The following ATG5 variants were observed in gnomAD, a reference collection of about 807,000 sequenced individuals.
ATG5 encodes the protein autophagy related 5.
ATG5 carries 14 observed loss-of-function variants against 36.5 expected under a neutral mutation model. That is an observed-to-expected ratio of 0.38 (90% CI 0.25 to 0.60). The LOEUF is 0.60. Ranked by LOEUF, ATG5 falls within the 20% of genes least tolerant of loss-of-function variation. The pLI is 0.60. For missense variants in ATG5, 195 were observed against 326.7 expected, an observed-to-expected ratio of 0.60 and a Z score of 3.11; for synonymous variants, 95 against 101.5, an observed-to-expected ratio of 0.94 and a Z score of 0.38.
At chr6:106,237,922 A>C (rs1161468640) in intron 6 of ATG5, among the ~76,000 whole-genome samples, 1 of 152,200 alleles carries the variant, frequency 6.6e-6, no homozygotes, top group African/African-American at 2.4e-5. Context: ...ACTAAAGAAG[A>C]CTTCTTCTTG....
At chr6:106,299,877 G>A (rs1043393347) in intron 3 of ATG5, among the ~76,000 whole-genome samples, 2 of 152,192 alleles carry the variant, frequency 1.3e-5, no homozygotes, top group South Asian at 2.1e-4. Context: ...CCTCCTATTC[G>A]GAAAGTTGCT....
intron 6 of ATG5, among the ~76,000 whole-genome samples, chr6:106,227,387 G>T (rs929131664): frequency 6.6e-6 from 1 of 152,166 alleles, no homozygotes; most frequent in Non-Finnish European, 1.5e-5. Context: ...CTTGAGGCAA[G>T]GAGTTGAAGA....
intron 4 of ATG5, among the ~76,000 whole-genome samples, chr6:106,291,524 G>A (rs1304241371): frequency 2.6e-5 from 4 of 152,158 alleles, no homozygotes; most frequent in East Asian, 3.8e-4. Context: ...TCAGGAACCC[G>A]ACACACAGAA....
chr6:106,272,362 G>A (rs1010130702), intron 5 of ATG5, among the ~76,000 whole-genome samples: 1 of 152,168 alleles, frequency 6.6e-6, no homozygotes, highest in African/African-American at 2.4e-5. Context: ...GTTCAATATT[G>A]TTAAAATGGC....
At chr6:106,261,572 C>T (rs755287963) in intron 5 of ATG5, among the ~76,000 whole-genome samples, 2 of 152,122 alleles carry the variant, frequency 1.3e-5, no homozygotes, top group Non-Finnish European at 2.9e-5. Flanking sequence ...ACGTGAAGTA[C>T]CCAGAACAGA....
intron 5 of ATG5, among the ~76,000 whole-genome samples, chr6:106,262,722 G>A (rs1301384830): frequency 6.6e-6 from 1 of 152,178 alleles, no homozygotes; most frequent in Non-Finnish European, 1.5e-5. Context: ...CAGAAGCAGG[G>A]TGGGGCATTC....
At chr6:106,220,370 A>G (rs546344309) in intron 6 of ATG5, among the ~76,000 whole-genome samples, 11 of 152,274 alleles carry the variant, frequency 7.2e-5, no homozygotes, top group African/African-American at 2.6e-4. Context: ...ATAATATAAA[A>G]TCCCAAAAAA....
rs145722476 is a variant in ATG5 at position 106,254,451 on chromosome 6, T to C, written c.479-6207A>G. Among the ~76,000 whole-genome samples, 6 of 152,238 alleles carry C rather than the reference T, an allele frequency of 3.9e-5. No homozygotes were observed. In the East Asian group the frequency reaches 1.2e-3, roughly 29 times the overall value. ...AGTTAATGTACTATGAGTATGCACATAGTACATACTCAACGAATGTTTGTT... is the reference window on the plus strand; with the variant it reads ...AGTTAATGTACTATGAGTATGCACACAGTACATACTCAACGAATGTTTGTT... On this transcript the variant is annotated intron_variant, in intron 5 of 7. Coordinates refer to ENST00000369076, the MANE Select transcript of ATG5 (RefSeq NM_004849.4).
chr6:106,229,566 A>C (rs1258380210), intron 6 of ATG5, among the ~76,000 whole-genome samples: 1 of 150,544 alleles, frequency 6.6e-6, no homozygotes, highest in Non-Finnish European at 1.5e-5. Context: ...TAGTAAAAAA[A>C]AACAGTGTGC....
At chr6:106,293,946 G>A (rs564040112) in intron 3 of ATG5, among the ~76,000 whole-genome samples, 63 of 119,380 alleles carry the variant, frequency 5.3e-4, no homozygotes, top group African/African-American at 2.1e-3. Context: ...CTTGGGATTA[G>A]AGAAGTGTTT....
intron 7 of ATG5, among the ~76,000 whole-genome samples, chr6:106,199,262 A>G (rs1048095176): frequency 7.2e-5 from 11 of 152,228 alleles, no homozygotes; most frequent in African/African-American, 2.4e-4. Context: ...AGAAAGACCC[A>G]TATTTGAATG....
At position 106,321,361 on chromosome 6, in the gene ATG5, T is replaced by TC. The variant is rs199501225; in HGVS notation, c.-59+4164dup. Among the ~76,000 whole-genome samples, 548 of 149,030 alleles carry TC rather than the reference T, an allele frequency of 3.7e-3. 8 individuals are homozygous for TC. Among genetic ancestry groups the TC allele is most frequent in the East Asian group, 0.012 (59 of 5,060 alleles). On this transcript the variant is annotated intron_variant, in intron 1 of 7. Transcript: ENST00000369076. ...ACTCTTTTATCCTCTCTGGGTCAAC[T>TC]CTTTTTTTTTTTTTTGAGACGGAGT...
At chr6:106,223,320 A>C (rs1383790974) in intron 6 of ATG5, among the ~76,000 whole-genome samples, 2 of 152,204 alleles carry the variant, frequency 1.3e-5, no homozygotes, top group East Asian at 1.9e-4. Flanking sequence ...AGAAAATAGA[A>C]ATGTAATTTT....
chr6:106,312,983 A>G (rs2763212), intron 2 of ATG5, among the ~76,000 whole-genome samples: 17,832 of 152,224 alleles, frequency 0.12, 1,150 homozygotes, highest in African/African-American at 0.17. Context: ...GGTCAACAGA[A>G]GGTTGTTGTT....
At chr6:106,294,117 T>A (rs1457578534) in intron 3 of ATG5, among the ~76,000 whole-genome samples, 3 of 152,148 alleles carry the variant, frequency 2.0e-5, no homozygotes, top group African/African-American at 7.2e-5. Flanking sequence ...AGTCTTAGAT[T>A]CTGGATTTCA....
intron 1 of ATG5, among the ~76,000 whole-genome samples, chr6:106,324,486 T>C (rs1771217838): frequency 6.6e-6 from 1 of 152,190 alleles, no homozygotes; most frequent in Non-Finnish European, 1.5e-5. Flanking sequence ...ATCAATGTCT[T>C]CTCACCCCAT....
At chr6:106,224,344 G>A (rs953078927) in intron 6 of ATG5, among the ~76,000 whole-genome samples, 2 of 152,180 alleles carry the variant, frequency 1.3e-5, no homozygotes, top group Admixed American at 6.5e-5. Context: ...GGACCCATGA[G>A]CTAAATCAGT....
chr6:106,206,926 T>C (rs537585289), intron 6 of ATG5, among the ~76,000 whole-genome samples: 35 of 152,334 alleles, frequency 2.3e-4, no homozygotes, highest in African/African-American at 8.2e-4. Flanking sequence ...GTTGATTTAG[T>C]ATATATAAAA....
At chr6:106,237,074 C>A (rs552018344) in intron 6 of ATG5, among the ~76,000 whole-genome samples, 2 of 152,144 alleles carry the variant, frequency 1.3e-5, no homozygotes, top group Non-Finnish European at 2.9e-5. Flanking sequence ...ACTCCACATC[C>A]ACTGTACCTG....
Sources: allele counts gnomAD v4.1 joint callset (sites outside exome capture counted in the v4.1 genomes callset), GRCh38; gene constraint gnomAD v4.1.1; transcripts MANE v1.5; gene names NCBI Gene and HGNC (gene_info 2026-07-23, HGNC 2026-07-21).